P4HTM: variants seen among roughly 807,000 people sequenced by gnomAD.
P4HTM encodes the protein prolyl 4-hydroxylase, transmembrane, also known as transmembrane prolyl 4-hydroxylase.
Under a neutral mutation model 55.3 loss-of-function variants are expected in P4HTM, and 33 were observed. That is an observed-to-expected ratio of 0.60 (90% CI 0.45 to 0.80). The LOEUF is 0.80. Ranked by LOEUF, P4HTM falls within the 30% of genes least tolerant of loss-of-function variation. P4HTM has a pLI of 0.00. For synonymous variants in P4HTM, 272 were observed against 286.4 expected (o/e 0.95, Z 0.51); for missense variants, 542 against 696.5 (o/e 0.78, Z 2.50).
chr3:49,000,712 C>T (rs551810412), intron 2 of P4HTM, among the ~76,000 whole-genome samples: 4 of 152,356 alleles, frequency 2.6e-5, no homozygotes, highest in African/African-American at 7.2e-5. Context: ...GCCTGGTGTG[C>T]AGGCAGCCAG....
rs199972576 is a variant in P4HTM, at chr3:49,006,100, C to T, written c.1201C>T (p.Arg401Trp). 1.2e-6 allele frequency: 2 copies of T among 1,612,996 alleles called. No individual in the cohort carries two copies. Among genetic ancestry groups the T allele is most frequent in the Admixed American group, 1.7e-5 (1 of 60,030 alleles). Residue 401 changes from arginine to tryptophan, a missense_variant, in exon 8 of 9, where the codon CGG becomes TGG. This residue lies in a region of P4HTM where 536 missense variants were observed against 672.1 expected (regional missense o/e 0.80). Coordinates refer to ENST00000383729, the MANE Select transcript of P4HTM (RefSeq NM_177939.3). ...GGATGACGTGGACCTCCGTGACACA[C>T]GGAGGCACTGTGACAAGGGAAACCT... is the stretch of plus-strand genomic sequence containing the variant. ...IQDDVDLRDTRRHCDKGNLRV... is the reference protein window; with the variant it reads ...IQDDVDLRDTWRHCDKGNLRV...
intron 5 of P4HTM, 180 bp downstream of exon 5, chr3:49,004,440 C>T: frequency 1.5e-6 from 1 of 646,114 alleles, no homozygotes; most frequent in Non-Finnish European, 2.6e-6. Flanking sequence ...GCAAATTAGC[C>T]CTCCTTGCAG....
chr3:49,007,030 C>A lies in P4HTM; in HGVS notation c.*123C>A. The A allele has an allele frequency of 1.3e-6, 1 of 776,796 alleles. No homozygotes were observed. 48.1% of individuals were successfully genotyped at this position (776,796 alleles called of 1,614,324 possible). ...CAATGTCTTGCCCCACCCCGCCAGC[C>A]GCGATACGGCGCAGTTCCTATATTC... On this transcript the variant is annotated 3_prime_UTR_variant, in exon 9 of 9. Coordinates refer to ENST00000383729, the MANE Select transcript of P4HTM (RefSeq NM_177939.3). This position sits in a 1 kb window ranked among gnomAD's most constrained non-coding sequence, Gnocchi z 5.1.
chr3:49,005,652 T>C, intron 6 of P4HTM, 125 bp from the exon 7 acceptor site: 1 of 1,456,588 alleles, frequency 6.9e-7, no homozygotes, highest in South Asian at 1.6e-5. Context: ...CCTGCCCTAT[T>C]GTCTCCCATC....
chr3:49,001,760 C>T, intron 3 of P4HTM, 132 bp downstream of exon 3: 2 of 766,772 alleles, frequency 2.6e-6, no homozygotes, highest in East Asian at 2.7e-5. Context: ...TGGGCATGCC[C>T]AGACCCAGGA....
chr3:49,006,057 C>T lies in P4HTM; in HGVS notation c.1165-7C>T, dbSNP rs367845737. Reference sequence around the variant, plus strand: ...GGTTGAACACCCCACCACCCTGCTGCCCACAGAGTCTGATTCAGGATGACG... The same window carrying T: ...GGTTGAACACCCCACCACCCTGCTGTCCACAGAGTCTGATTCAGGATGACG... On this transcript the variant is annotated splice_region_variant and splice_polypyrimidine_tract_variant and intron_variant, in intron 7 of 8. Coordinates refer to ENST00000383729, the MANE Select transcript of P4HTM (RefSeq NM_177939.3). 5.6e-6 allele frequency: 9 copies of T among 1,610,318 alleles called. No individual in the cohort carries two copies. The African/African-American group carries it at 9.3e-5, about 17-fold the overall frequency.
intron 5 of P4HTM, 91 bp from the exon 6 acceptor site, chr3:49,004,770 G>A (rs1007967796): frequency 2.2e-6 from 3 of 1,382,650 alleles, no homozygotes; most frequent in Admixed American, 3.9e-5. Flanking sequence ...TAGGGGCAAA[G>A]CTTGTGGCAG....
chr3:49,004,136 C>A lies in P4HTM; in HGVS notation c.763C>A (p.Arg255=). 1 of 1,554,502 alleles carries A rather than the reference C, an allele frequency of 6.4e-7. No individual in the cohort carries two copies. ...SLQEFSNMDL[R]DFHKYMRSHK... The stretch of plus-strand genomic sequence containing the variant: ...GCAGGAGTTCTCCAACATGGACCTT[C>A]GGGACTTCCACAAGTACATGAGGAG... Residue 255 remains arginine, a synonymous_variant, in exon 5 of 9, where the codon CGG becomes AGG. Coordinates refer to ENST00000383729, the MANE Select transcript of P4HTM (RefSeq NM_177939.3).
chr3:49,001,792 G>A (rs1431600976), intron 3 of P4HTM, among the ~76,000 whole-genome samples, 164 bp downstream of exon 3: 1 of 152,230 alleles, frequency 6.6e-6, no homozygotes, highest in Non-Finnish European at 1.5e-5. Context: ...CCTCTGGAGA[G>A]CTCTTGGCTA....
At chr3:49,001,217 C>T in intron 2 of P4HTM, 1 of 583,452 alleles carries the variant, frequency 1.7e-6, no homozygotes, top group South Asian at 1.9e-5. Context: ...TGTGTGCTCT[C>T]ATCATCAAGA....
Position 49,006,934 on chromosome 3 carries a change from C to G in P4HTM, c.*27C>G. 1.9e-6 allele frequency: 3 copies of G among 1,578,814 alleles called. 1 individual carries two copies. Among genetic ancestry groups the G allele is most frequent in the Middle Eastern group, 3.4e-4 (2 of 5,842 alleles). On this transcript the variant is annotated 3_prime_UTR_variant, in exon 9 of 9. Transcript: ENST00000383729. ...GGAAGAGTTAGCCCCGGTTCCCAGCCGCGGGTCGCCAGTTGCCCAAGATCA... is the reference window on the plus strand; with the variant it reads ...GGAAGAGTTAGCCCCGGTTCCCAGCGGCGGGTCGCCAGTTGCCCAAGATCA...
intron 2 of P4HTM, among the ~76,000 whole-genome samples, chr3:48,993,301 C>CAAAAAAAAA (rs11312212): frequency 1.6e-5 from 2 of 122,856 alleles, no homozygotes; most frequent in Non-Finnish European, 1.7e-5. Context: ...AACTCCATCT[C>CAAAAAAAAA]AAAAAAAAAA....
chr3:49,001,325 C>G (rs773385528), intron 2 of P4HTM, 113 bp from the exon 3 acceptor site: 1 of 900,096 alleles, frequency 1.1e-6, no homozygotes, highest in Non-Finnish European at 1.8e-6. Flanking sequence ...TCCTCCAGAC[C>G]TGGTGGCCAC....
chr3:49,004,028 G>A (rs1056053301), intron 4 of P4HTM, 70 bp from the exon 5 acceptor site: 1 of 1,452,820 alleles, frequency 6.9e-7, no homozygotes, highest in Non-Finnish European at 9.3e-7. Context: ...GGTAGGTAGG[G>A]AAGTGCAGCC....
At chr3:49,006,646 GC>G (rs1478987469) in intron 8 of P4HTM, 40 bp from the exon 9 acceptor site, 16 of 1,578,364 alleles carry the variant, frequency 1.0e-5, no homozygotes, top group Non-Finnish European at 1.3e-5. Context: ...CCAAGCTCTG[GC>G]CAGCCCAGCC....
At position 49,007,153 on chromosome 3, in the gene P4HTM, A is replaced by T; in HGVS notation, c.*246A>T. Reference sequence around the variant, plus strand: ...GACAAACTCCGGGTCGGCGAAACAGAGTCCGCGATAGGTGCAGCGGGCTGG... The same window carrying T: ...GACAAACTCCGGGTCGGCGAAACAGTGTCCGCGATAGGTGCAGCGGGCTGG... On this transcript the variant is annotated 3_prime_UTR_variant, in exon 9 of 9. Coordinates refer to ENST00000383729, the MANE Select transcript of P4HTM (RefSeq NM_177939.3). This position sits in a 1 kb window ranked among gnomAD's most constrained non-coding sequence, Gnocchi z 5.1. 1.3e-6 allele frequency: 1 copy of T among 748,730 alleles called. No individual in the cohort carries two copies. Among genetic ancestry groups the T allele is most frequent in the Non-Finnish European group, 2.1e-6 (1 of 473,910 alleles). The allele number at this position is 748,730 out of a possible 1,614,324, so 46.4% of individuals were successfully genotyped here.
At chr3:49,005,419 C>A in intron 6 of P4HTM, 5 of 1,398,596 alleles carry the variant, frequency 3.6e-6, no homozygotes, top group Non-Finnish European at 4.6e-6. Flanking sequence ...CAAGCCAGTT[C>A]TTTCCTCTTC....
intron 2 of P4HTM, 109 bp downstream of exon 2, chr3:48,991,023 C>T: frequency 1.3e-6 from 1 of 776,926 alleles, no homozygotes. Flanking sequence ...TGCTTCAGAG[C>T]AGCCCTTCCA....
chr3:49,000,690 C>T (rs1271179413), intron 2 of P4HTM, among the ~76,000 whole-genome samples: 1 of 152,234 alleles, frequency 6.6e-6, no homozygotes, highest in East Asian at 1.9e-4. Context: ...CACCAAGCCA[C>T]CTACCAGCTG....
Sources: allele counts gnomAD v4.1 joint callset (sites outside exome capture counted in the v4.1 genomes callset), GRCh38; gene constraint gnomAD v4.1.1; regional missense constraint gnomAD v4.1.1; non-coding constraint Gnocchi (gnomAD v3.1); transcripts MANE v1.5; gene names NCBI Gene and HGNC (gene_info 2026-07-23, HGNC 2026-07-21).